Variants in TDRD15 observed in about 807,000 individuals in gnomAD.
The protein encoded by TDRD15 is tudor domain containing 15.
For missense variants in TDRD15, 1,416 were observed against 904.7 expected, an observed-to-expected ratio of 1.57 and a Z score of -7.25; for synonymous variants, 503 against 314.5, an observed-to-expected ratio of 1.60 and a Z score of -6.34.
chr2:21,131,613 A>G (rs1354018334), intron 2 of TDRD15, among the ~76,000 whole-genome samples: 1 of 152,182 alleles, frequency 6.6e-6, no homozygotes, highest in Non-Finnish European at 1.5e-5. Flanking sequence ...TTGAATGTAG[A>G]AGCAGATATG....
rs978113933 is a variant in TDRD15, at chr2:21,138,474, A to G, written c.1007A>G (p.Tyr336Cys). Reference protein sequence around the residue: ...YGSSEAIPSIYVKKLKQDFIL... With the variant: ...YGSSEAIPSICVKKLKQDFIL... ...AGTAGCGAGGCTATACCCTCAATTT[A>G]TGTAAAGAAACTTAAACAGGATTTT... Residue 336 changes from tyrosine to cysteine, a missense_variant, in exon 4 of 4, where the codon TAT (tyrosine) becomes TGT (cysteine). By Grantham distance (194) the Tyr-to-Cys change is radical. Transcript: ENST00000405799. 1.4e-6 allele frequency: 1 copy of G among 715,082 alleles called. No homozygotes were observed. Among genetic ancestry groups the G allele is most frequent in the African/African-American group, 1.7e-5 (1 of 57,220 alleles). The allele number at this position is 715,082 out of a possible 1,614,324, so 44.3% of individuals were successfully genotyped here.
At position 21,138,811 on chromosome 2, in the gene TDRD15, G is replaced by C. The variant is rs779185264; in HGVS notation, c.1344G>C (p.Glu448Asp). ...CTGATGTAAACAGCTTTGCAGTTGA[G>C]AGTTTTATGGGAAATATTGAATGGT... ...SVSDVNSFAV[E>D]SFMGNIEWSI... Residue 448 changes from glutamate to aspartate, a missense_variant, in exon 4 of 4, where the codon GAG becomes GAC. Transcript: ENST00000405799. The C allele has an allele frequency of 1.3e-5, 9 of 712,616 alleles. No individual in the cohort carries two copies. In the South Asian group the frequency reaches 1.3e-4, roughly 11 times the overall value. 44.1% of individuals were successfully genotyped at this position (712,616 alleles called of 1,614,324 possible). A position where few individuals can be genotyped will look rare whatever the true frequency, so the allele number is the denominator to read the frequency against.
At position 21,142,058 on chromosome 2, in the gene TDRD15, G is replaced by A. The variant is rs1665945800; in HGVS notation, c.4591G>A (p.Ala1531Thr). ...EEFKLGQLEK[A>T]EMLNVSKSGR... ...ATTCAAACTTGGACAACTTGAAAAAGCTGAAATGCTTAATGTTTCAAAAAG... is the reference window on the plus strand; with the variant it reads ...ATTCAAACTTGGACAACTTGAAAAAACTGAAATGCTTAATGTTTCAAAAAG... The change falls in exon 4 of 4, where the codon GCT becomes ACT. Residue 1531 changes from alanine to threonine, a missense_variant. Ala to Thr is a moderately conservative substitution (Grantham distance 58). Transcript: ENST00000405799. 4 of 699,000 alleles carry A rather than the reference G, an allele frequency of 5.7e-6. No homozygotes were observed. In the African/African-American group the frequency reaches 7.2e-5, roughly 13 times the overall value. The allele number at this position is 699,000 out of a possible 1,614,324, so 43.3% of individuals were successfully genotyped here. A position where few individuals can be genotyped will look rare whatever the true frequency, so the allele number is the denominator to read the frequency against.
intron 2 of TDRD15, among the ~76,000 whole-genome samples, chr2:21,131,370 ATAGG>A (rs1430433056): frequency 2.6e-5 from 4 of 152,240 alleles, no homozygotes; most frequent in Admixed American, 1.3e-4. Context: ...AAAGTACAAG[ATAGG>A]TAGGCCAGTG....
Position 21,138,989 on chromosome 2 carries a change from T to A in TDRD15, c.1522T>A (p.Phe508Ile), listed in dbSNP as rs2103444339. 4.2e-6 allele frequency: 3 copies of A among 712,448 alleles called. No homozygotes were observed. Among genetic ancestry groups the A allele is most frequent in the African/African-American group, 1.8e-5 (1 of 56,852 alleles). The allele number at this position is 712,448 out of a possible 1,614,324, so 44.1% of individuals were successfully genotyped here. Residue 508 changes from phenylalanine (F) to isoleucine (I), a missense_variant, in exon 4 of 4, where the codon TTT becomes ATT. Transcript: ENST00000405799. ...ACGCACTAATGACCATCGGAATGAA[T>A]TTCAAGAAATAATGAAAAACATAAA... ...WVRTNDHRNEFQEIMKNINKF... is the reference protein window; with the variant it reads ...WVRTNDHRNEIQEIMKNINKF...
chr2:21,135,183 T>C (rs1323592018), intron 3 of TDRD15, among the ~76,000 whole-genome samples: 1 of 147,190 alleles, frequency 6.8e-6, no homozygotes, highest in Non-Finnish European at 1.5e-5. Context: ...TAAAAAGATA[T>C]ATACATATTT....
At chr2:21,126,280 C>T (rs539950283) in intron 1 of TDRD15, among the ~76,000 whole-genome samples, 1 of 152,188 alleles carries the variant, frequency 6.6e-6, no homozygotes, top group Admixed American at 6.5e-5. Flanking sequence ...TACAAATGGA[C>T]TCATAAAATG....
rs927240074 is a variant in TDRD15, at chr2:21,141,298, C to T, written c.3831C>T (p.Asp1277=). The change falls in exon 4 of 4, where the codon GAC becomes GAT. Residue 1277 remains aspartate, a synonymous_variant. Coordinates refer to ENST00000405799, the MANE Select transcript of TDRD15 (RefSeq NM_001306137.2). ...LNQTTSQNPY[D]LIRPQIKDLP... is the part of the protein sequence containing the mutation. ...AAACAACCTCACAAAACCCATATGA[C>T]CTTATTAGGCCACAGATCAAAGACC... 8.4e-6 allele frequency: 6 copies of T among 715,178 alleles called. No homozygotes were observed. The highest frequency in any genetic ancestry group is 1.3e-5 in the Non-Finnish European group (5 of 383,782). 44.3% of individuals were successfully genotyped at this position (715,178 alleles called of 1,614,324 possible). A position where few individuals can be genotyped will look rare whatever the true frequency, so the allele number is the denominator to read the frequency against.
chr2:21,127,447 A>G (rs1353145949), intron 1 of TDRD15, among the ~76,000 whole-genome samples, 154 bp from the exon 2 acceptor site: 1 of 152,104 alleles, frequency 6.6e-6, no homozygotes, highest in African/African-American at 2.4e-5. Flanking sequence ...TAGTTCTTAT[A>G]TGTGGGTTTA....
rs1371331885 is a variant in TDRD15, at chr2:21,134,804, A to T, written c.-47A>T. The stretch of plus-strand genomic sequence containing the variant: ...AAGGAAAAATAGTTTCCCAAATTTC[A>T]CACAATTAATTGAGTACTGATATCT... On this transcript the variant is annotated 5_prime_UTR_variant, in exon 3 of 4. Transcript: ENST00000405799. 6.6e-6 allele frequency: 1 copy of T among 151,584 alleles called. No homozygotes were observed. Among genetic ancestry groups the T allele is most frequent in the Non-Finnish European group, 1.5e-5 (1 of 67,816 alleles). The allele number at this position is 151,584 out of a possible 1,614,324, so 9.4% of individuals were successfully genotyped here. A position where few individuals can be genotyped will look rare whatever the true frequency, so the allele number is the denominator to read the frequency against.
At position 21,139,214 on chromosome 2, in the gene TDRD15, C is replaced by T. The variant is rs142472110; in HGVS notation, c.1747C>T (p.Leu583Phe). Residue 583 changes from leucine to phenylalanine, a missense_variant, in exon 4 of 4, where the codon CTT (leucine) becomes TTT (phenylalanine). Coordinates refer to ENST00000405799, the MANE Select transcript of TDRD15 (RefSeq NM_001306137.2). ...SIPFFDVKILLPEFCELPALA... is the reference protein window; with the variant it reads ...SIPFFDVKILFPEFCELPALA... ...ACCATTTTTTGATGTAAAAATTTTG[C>T]TTCCAGAATTTTGTGAGTTGCCTGC... The T allele has an allele frequency of 1.4e-4, 101 of 715,052 alleles. No individual in the cohort carries two copies. In the African/African-American group the frequency reaches 1.6e-3, roughly 12 times the overall value. The allele number at this position is 715,052 out of a possible 1,614,324, so 44.3% of individuals were successfully genotyped here.
chr2:21,139,691 G>T lies in TDRD15; in HGVS notation c.2224G>T (p.Glu742Ter). The part of the protein sequence containing the change: ...KNPFTLSVGP[E>*]SSWPYKEYIF... ...TCCTTTCACCTTGTCTGTGGGACCT[G>T]AGTCATCCTGGCCTTATAAAGAATA... The change falls in exon 4 of 4, where the codon GAG becomes TAG. Residue 742 changes from glutamate to a stop codon, truncating the protein, a stop_gained. Coordinates refer to ENST00000405799, the MANE Select transcript of TDRD15 (RefSeq NM_001306137.2). LOFTEE classifies it low-confidence loss of function (END_TRUNC). 1 of 714,186 alleles carries T rather than the reference G, an allele frequency of 1.4e-6. No individual in the cohort carries two copies. The allele number at this position is 714,186 out of a possible 1,614,324, so 44.2% of individuals were successfully genotyped here.
rs73920473 is a variant in TDRD15, at chr2:21,143,779, T to C, written c.*507T>C. 0.011 allele frequency among the ~76,000 whole-genome samples: 1,717 copies of C among 151,858 alleles called. 39 individuals are homozygous for C. The highest frequency in any genetic ancestry group is 0.039 in the African/African-American group (1,626 of 41,526). ...TGTACTAACATCCAAATTGAAAATA[T>C]GTTGCAGGAAAACTTACTAGAAAAT... On this transcript the variant is annotated 3_prime_UTR_variant, in exon 4 of 4. Transcript: ENST00000405799.
rs1428171435 is a variant in TDRD15 at position 21,143,777 on chromosome 2, T to C, written c.*505T>C. On this transcript the variant is annotated 3_prime_UTR_variant, in exon 4 of 4. Transcript: ENST00000405799. ...CATGTACTAACATCCAAATTGAAAA[T>C]ATGTTGCAGGAAAACTTACTAGAAA... Among the ~76,000 whole-genome samples the C allele has an allele frequency of 6.6e-6, 1 of 151,706 alleles. No homozygotes were observed. The highest frequency in any genetic ancestry group is 2.4e-5 in the African/African-American group (1 of 41,410).
chr2:21,129,756 C>G (rs1204780426), intron 2 of TDRD15, among the ~76,000 whole-genome samples: 1 of 152,014 alleles, frequency 6.6e-6, no homozygotes, highest in African/African-American at 2.4e-5. Flanking sequence ...CTTTTGGAAC[C>G]ATATTTAAGA....
rs1318849931 is a variant in TDRD15, at chr2:21,143,020, T to C, written c.5553T>C (p.Tyr1851=). ...LPRLSYPCIL[Y]GILPAKGKHW... is the part of the protein sequence containing the mutation. Reference sequence around the variant, plus strand: ...GGCTGAGTTATCCATGTATTTTATATGGTATCTTACCTGCTAAAGGAAAAC... The same window carrying C: ...GGCTGAGTTATCCATGTATTTTATACGGTATCTTACCTGCTAAAGGAAAAC... The change falls in exon 4 of 4, where the codon TAT becomes TAC. Residue 1851 remains tyrosine (Y), a synonymous_variant. Transcript: ENST00000405799. The C allele has an allele frequency of 1.4e-6, 1 of 698,386 alleles. No homozygotes were observed. The highest frequency in any genetic ancestry group is 2.7e-5 in the East Asian group (1 of 37,114). The allele number at this position is 698,386 out of a possible 1,614,324, so 43.3% of individuals were successfully genotyped here.
downstream of TDRD15, among the ~76,000 whole-genome samples, chr2:21,146,827 C>T (rs762326504): frequency 6.6e-6 from 1 of 152,104 alleles, no homozygotes; most frequent in Non-Finnish European, 1.5e-5. Context: ...CTTGAGAACA[C>T]AACACTATTG....
In TDRD15 at chr2:21,140,518, G is replaced by A. The variant is rs1161143606; in HGVS notation, c.3051G>A (p.Val1017=). The change falls in exon 4 of 4, where the codon GTG becomes GTA. Residue 1017 remains valine, a synonymous_variant. Coordinates refer to ENST00000405799, the MANE Select transcript of TDRD15 (RefSeq NM_001306137.2). ...FPKYDSNKMR[V]CISKYVEDGL... ...AATATGATTCTAATAAAATGAGAGT[G>A]TGCATATCTAAGTATGTAGAGGATG... 2.9e-6 allele frequency: 2 copies of A among 694,674 alleles called. No individual in the cohort carries two copies. Among genetic ancestry groups the A allele is most frequent in the Non-Finnish European group, 5.3e-6 (2 of 377,358 alleles). 43.0% of individuals were successfully genotyped at this position (694,674 alleles called of 1,614,324 possible).
At chr2:21,124,978 C>G (rs1192443377) in intron 1 of TDRD15, among the ~76,000 whole-genome samples, 3 of 133,256 alleles carry the variant, frequency 2.3e-5, no homozygotes, top group Admixed American at 7.7e-5. Context: ...ACTGAGAGAT[C>G]CTAATATTGT....
Sources: allele counts gnomAD v4.1 joint callset (sites outside exome capture counted in the v4.1 genomes callset), GRCh38; gene constraint gnomAD v4.1.1; transcripts MANE v1.5; gene names NCBI Gene and HGNC (gene_info 2026-07-23, HGNC 2026-07-21).